Variants in DNAJC13 observed in about 807,000 individuals in gnomAD.
DNAJC13 encodes the protein DnaJ heat shock protein family (Hsp40) member C13, also known as dnaJ homolog subfamily C member 13.
In DNAJC13, 75 loss-of-function variants were observed where a neutral mutation model predicts 290.5. That is an observed-to-expected ratio of 0.26 (90% CI 0.21 to 0.31). The LOEUF is 0.31. DNAJC13 is among the 10% of genes least tolerant of loss of function. The probability of loss-of-function intolerance (pLI) is 1.00; values close to 1 mark genes in which losing one functional copy is unlikely to be tolerated. For synonymous variants in DNAJC13, 862 were observed against 892.0 expected, an observed-to-expected ratio of 0.97 and a Z score of 0.60; for missense variants, 2,260 against 2,674.5, an observed-to-expected ratio of 0.85 and a Z score of 3.42.
intron 22 of DNAJC13, among the ~76,000 whole-genome samples, chr3:132,476,786 C>T (rs1934487982): frequency 6.6e-6 from 1 of 152,180 alleles, no homozygotes. Context: ...CACAGATAGC[C>T]TCATAACCTG....
At chr3:132,486,186 C>T (rs1282550418) in intron 29 of DNAJC13, among the ~76,000 whole-genome samples, 1 of 136,632 alleles carries the variant, frequency 7.3e-6, no homozygotes, top group Non-Finnish European at 1.5e-5. Flanking sequence ...CCATTCGTAT[C>T]CTTCAGTGAA....
At chr3:132,421,671 C>G (rs1008310283) in intron 1 of DNAJC13, among the ~76,000 whole-genome samples, 13 of 151,458 alleles carry the variant, frequency 8.6e-5, no homozygotes, top group African/African-American at 3.2e-4. Flanking sequence ...AACTCCTGAC[C>G]TCAAGTGATC....
At chr3:132,538,053 A>C in intron 55 of DNAJC13, 123 bp from the exon 56 acceptor site, 1 of 667,592 alleles carries the variant, frequency 1.5e-6, no homozygotes, top group Non-Finnish European at 2.6e-6. Context: ...TAATTTAGGT[A>C]ATTGAAATAG....
intron 46 of DNAJC13, among the ~76,000 whole-genome samples, chr3:132,515,493 C>G (rs1935892791): frequency 6.6e-6 from 1 of 151,746 alleles, no homozygotes; most frequent in African/African-American, 2.4e-5. Context: ...AAAATGGCAG[C>G]TTTGTAAAGT....
intron 2 of DNAJC13, among the ~76,000 whole-genome samples, chr3:132,444,878 A>G (rs985473883): frequency 2.0e-5 from 3 of 152,192 alleles, no homozygotes; most frequent in South Asian, 2.1e-4. Context: ...GGGAAGTGCT[A>G]TAATTCTTTA....
intron 48 of DNAJC13, among the ~76,000 whole-genome samples, chr3:132,521,968 T>C (rs1936105331): frequency 6.6e-6 from 1 of 152,220 alleles, no homozygotes; most frequent in Non-Finnish European, 1.5e-5. Context: ...TGAAATTTAG[T>C]TCATTGGCTG....
intron 2 of DNAJC13, among the ~76,000 whole-genome samples, chr3:132,438,069 G>T (rs1171808032): frequency 6.9e-6 from 1 of 145,790 alleles, no homozygotes; most frequent in Non-Finnish European, 1.5e-5. Flanking sequence ...AAAAAAAAAA[G>T]GCAGCTGACA....
At chr3:132,504,982 T>G (rs1413613145) in intron 41 of DNAJC13, among the ~76,000 whole-genome samples, 1 of 152,242 alleles carries the variant, frequency 6.6e-6, no homozygotes, top group African/African-American at 2.4e-5. Flanking sequence ...TATTAAGTAC[T>G]TTCAAAATAT....
At chr3:132,490,065 GA>G (rs1262051895) in intron 31 of DNAJC13, among the ~76,000 whole-genome samples, 3 of 152,152 alleles carry the variant, frequency 2.0e-5, no homozygotes, top group Admixed American at 6.5e-5. Flanking sequence ...TAGTATTGAA[GA>G]ATACAACTAG....
At position 132,457,276 on chromosome 3, in the gene DNAJC13, G is replaced by A. The variant is rs576046490; in HGVS notation, c.1357G>A (p.Glu453Lys). The change falls in exon 13 of 56, where the codon GAG (glutamate) becomes AAG (lysine). Residue 453 changes from glutamate (E) to lysine (K), a missense_variant. Physicochemically the swap from Glu to Lys is moderately conservative, Grantham distance 56. Around this residue, in one of 3 missense-constraint regions of DNAJC13, gnomAD observed 762 missense variants for 964.1 expected, o/e 0.79. Transcript: ENST00000260818. ...TGTTTTTTGTTCCAAAAGGTTTCGCGAGCGTCTAGGGGTGAAGGTAGTAAA... is the reference window on the plus strand; with the variant it reads ...TGTTTTTTGTTCCAAAAGGTTTCGCAAGCGTCTAGGGGTGAAGGTAGTAAA... ...LAFTQLPKFR[E>K]RLGVKVVKAL... The A allele has an allele frequency of 6.9e-6, 11 of 1,597,738 alleles. No homozygotes were observed. The highest frequency in any genetic ancestry group is 2.2e-5 in the East Asian group (1 of 44,732).
At chr3:132,424,276 C>T (rs1237959256) in intron 1 of DNAJC13, among the ~76,000 whole-genome samples, 1 of 152,012 alleles carries the variant, frequency 6.6e-6, no homozygotes, top group African/African-American at 2.4e-5. Flanking sequence ...TTTTTAACAA[C>T]AGATAAACTT....
chr3:132,441,441 G>A, intron 2 of DNAJC13, among the ~76,000 whole-genome samples: 1 of 152,204 alleles, frequency 6.6e-6, no homozygotes, highest in Non-Finnish European at 1.5e-5. Flanking sequence ...ATGAGATCTA[G>A]AGTGTGTAAC....
chr3:132,487,157 C>A (rs572768588), intron 29 of DNAJC13, among the ~76,000 whole-genome samples: 19 of 152,272 alleles, frequency 1.2e-4, no homozygotes, highest in African/African-American at 4.6e-4. Context: ...AAGTTATTTA[C>A]TTAAAAGACC....
chr3:132,522,708 A>G, intron 48 of DNAJC13, 120 bp from the exon 49 acceptor site: 1 of 804,256 alleles, frequency 1.2e-6, no homozygotes, highest in Non-Finnish European at 1.9e-6. Context: ...GGTAATGGTT[A>G]TGGCCCACAT....
chr3:132,427,535 CATT>C (rs1939131789), intron 1 of DNAJC13, among the ~76,000 whole-genome samples: 1 of 152,230 alleles, frequency 6.6e-6, no homozygotes, highest in South Asian at 2.1e-4. Context: ...TCATGTACAT[CATT>C]CAGTTTAAGA....
At position 132,523,190 on chromosome 3, in the gene DNAJC13, A is replaced by G. The variant is rs374635760; in HGVS notation, c.5877A>G (p.Ala1959=). The G allele has an allele frequency of 3.7e-6, 6 of 1,613,892 alleles. No individual in the cohort carries two copies. Among genetic ancestry groups the G allele is most frequent in the Non-Finnish European group, 5.1e-6 (6 of 1,179,870 alleles). The change falls in exon 50 of 56, where the codon GCA becomes GCG. Residue 1959 remains alanine, a synonymous_variant. Transcript: ENST00000260818. ...HFKNQQDNPE[A]NWKLPEDFAV... ...AAAATCAGCAGGACAACCCTGAGGC[A>G]AACTGGAAGGTAAAATATACTTTTA...
intron 19 of DNAJC13, among the ~76,000 whole-genome samples, chr3:132,466,711 G>A (rs553277303): frequency 6.6e-6 from 1 of 152,262 alleles, no homozygotes; most frequent in Non-Finnish European, 1.5e-5. Context: ...TGGAGTACCA[G>A]TAAGTGTGTA....
At chr3:132,469,963 CTTTTTTTTTTTTT>C (rs61726289) in intron 20 of DNAJC13, among the ~76,000 whole-genome samples, 2,285 of 61,260 alleles carry the variant, frequency 0.037, 46 homozygotes, top group African/African-American at 0.043. Flanking sequence ...AGCAGAGATT[CTTTTTTTTTTTTT>C]TTTTTTTTTT....
chr3:132,465,169 A>G (rs1933933480), intron 17 of DNAJC13, among the ~76,000 whole-genome samples: 1 of 152,136 alleles, frequency 6.6e-6, no homozygotes, highest in East Asian at 1.9e-4. Context: ...GTGACAAAGT[A>G]TATTTTGGGT....
Sources: gnomAD v4.1 joint callset for allele counts (sites outside exome capture counted in the v4.1 genomes callset) on GRCh38, gnomAD v4.1.1 for gene constraint, gnomAD v4.1.1 regional missense constraint, MANE v1.5 for transcripts, NCBI Gene and HGNC (gene_info 2026-07-23, HGNC 2026-07-21) for gene names.